Variants in ACTL8 observed in about 807,000 individuals in gnomAD.
ACTL8 encodes the protein actin like 8.
ACTL8 carries 3 observed loss-of-function variants against 9.3 expected under a neutral mutation model. That is an observed-to-expected ratio of 0.32 (90% confidence interval 0.15 to 0.83). ACTL8 has a LOEUF of 0.83. Among genes scored for constraint, ACTL8 ranks in the 40% least tolerant of loss-of-function variants. The probability of loss-of-function intolerance (pLI) is 0.57; values close to 1 mark genes in which losing one functional copy is unlikely to be tolerated. For missense variants in ACTL8, 381 were observed against 492.2 expected (o/e 0.77, Z 2.14); for synonymous variants, 224 against 205.9 (o/e 1.09, Z -0.75).
chr1:17,773,779 A>T (rs922340993), intron 1 of ACTL8, among the ~76,000 whole-genome samples: 1 of 152,224 alleles, frequency 6.6e-6, no homozygotes, highest in African/African-American at 2.4e-5. Flanking sequence ...AGGAGAGGCA[A>T]TTCATGCAGA....
At chr1:17,800,699 A>G (rs538085183) in intron 1 of ACTL8, among the ~76,000 whole-genome samples, 4 of 148,570 alleles carry the variant, frequency 2.7e-5, no homozygotes, top group Admixed American at 1.4e-4. Context: ...GGTTCAATCA[A>G]TTCTCCTGCT....
At chr1:17,775,917 C>G (rs999604273) in intron 1 of ACTL8, among the ~76,000 whole-genome samples, 1 of 152,066 alleles carries the variant, frequency 6.6e-6, no homozygotes. Context: ...ATTCCCGGGA[C>G]AGTATAAGGA....
intron 1 of ACTL8, among the ~76,000 whole-genome samples, chr1:17,811,870 C>CTTT (rs200104295): frequency 7.2e-6 from 1 of 139,586 alleles, no homozygotes; most frequent in African/African-American, 2.6e-5. Flanking sequence ...GGTTTTCTGT[C>CTTT]TTTTTTTTTT....
chr1:17,822,850 G>A (rs1473949081), intron 1 of ACTL8, 135 bp from the exon 2 acceptor site: 16 of 634,648 alleles, frequency 2.5e-5, no homozygotes, highest in Non-Finnish European at 3.3e-5. Flanking sequence ...ACAGGTAATG[G>A]CTTGTGTAAA....
chr1:17,782,918 T>C (rs1482105672), intron 1 of ACTL8, among the ~76,000 whole-genome samples: 1 of 152,172 alleles, frequency 6.6e-6, no homozygotes, highest in African/African-American at 2.4e-5. Context: ...GCAAGTTAAT[T>C]CCCCACTCAA....
intron 1 of ACTL8, among the ~76,000 whole-genome samples, chr1:17,797,189 G>A (rs1412405180): frequency 6.6e-6 from 1 of 152,118 alleles, no homozygotes; most frequent in Non-Finnish European, 1.5e-5. Context: ...CTGCCTGAGA[G>A]TTTCAGTTTC....
chr1:17,776,493 G>A (rs962364023), intron 1 of ACTL8, among the ~76,000 whole-genome samples: 3 of 152,030 alleles, frequency 2.0e-5, no homozygotes, highest in Admixed American at 2.0e-4. Flanking sequence ...CACTCGCTTC[G>A]GCTCCTCTGC....
At chr1:17,756,041 C>T (rs1383369912) in intron 1 of ACTL8, among the ~76,000 whole-genome samples, 3 of 151,792 alleles carry the variant, frequency 2.0e-5, no homozygotes, top group African/African-American at 7.3e-5. Flanking sequence ...GGTGTCTCTT[C>T]GGGACTCTAC....
intron 1 of ACTL8, among the ~76,000 whole-genome samples, chr1:17,798,354 G>GA (rs2066293682): frequency 6.6e-6 from 1 of 152,180 alleles, no homozygotes; most frequent in Non-Finnish European, 1.5e-5. Flanking sequence ...GGTGACTGGG[G>GA]AGGGGCCAGG....
intron 1 of ACTL8, among the ~76,000 whole-genome samples, chr1:17,800,942 G>A (rs2066317917): frequency 6.6e-6 from 1 of 152,116 alleles, no homozygotes; most frequent in Non-Finnish European, 1.5e-5. Context: ...CCAGCTAAGG[G>A]CGGCATTTGC....
At chr1:17,811,415 T>C (rs187169346) in intron 1 of ACTL8, among the ~76,000 whole-genome samples, 4 of 152,344 alleles carry the variant, frequency 2.6e-5, no homozygotes, top group African/African-American at 9.6e-5. Context: ...TTTCATTCTC[T>C]TGATAGTGTC....
chr1:17,788,293 G>A (rs1028302415), intron 1 of ACTL8, among the ~76,000 whole-genome samples: 5 of 152,214 alleles, frequency 3.3e-5, no homozygotes, highest in Non-Finnish European at 5.9e-5. Flanking sequence ...CCCCAAGGTT[G>A]GTTAAGAAGC....
At chr1:17,791,019 C>A (rs1397383445) in intron 1 of ACTL8, among the ~76,000 whole-genome samples, 1 of 151,598 alleles carries the variant, frequency 6.6e-6, no homozygotes, top group Admixed American at 6.6e-5. Flanking sequence ...TTTTCTGAGC[C>A]TATGAGGGTT....
At chr1:17,809,359 T>A (rs1322702345) in intron 1 of ACTL8, among the ~76,000 whole-genome samples, 1 of 152,068 alleles carries the variant, frequency 6.6e-6, no homozygotes, top group African/African-American at 2.4e-5. Flanking sequence ...ATAAGAGTGA[T>A]GAGAGCTGGT....
At chr1:17,798,525 A>C (rs2066295063) in intron 1 of ACTL8, among the ~76,000 whole-genome samples, 1 of 152,154 alleles carries the variant, frequency 6.6e-6, no homozygotes, top group Non-Finnish European at 1.5e-5. Flanking sequence ...GGAGGGGGCC[A>C]TTCAAAAGGA....
At position 17,825,676 on chromosome 1, in the gene ACTL8, C is replaced by T. The variant is rs1017970485; in HGVS notation, c.349-91C>T. On this transcript the variant is annotated intron_variant, in intron 2 of 2. Transcript: ENST00000375406. ...CAGCATCCTGGGGCAGCCCGAGAGT[C>T]CCCCCGAGGATGGGGCTCTGTGCTG... 23 of 1,492,600 alleles carry T rather than the reference C, an allele frequency of 1.5e-5. No homozygotes were observed. The African/African-American group carries it at 2.8e-4, about 18-fold the overall frequency. 92.5% of individuals were successfully genotyped at this position (1,492,600 alleles called of 1,614,324 possible). A position where few individuals can be genotyped will look rare whatever the true frequency, so the allele number is the denominator to read the frequency against.
At chr1:17,782,945 G>T (rs1293541245) in intron 1 of ACTL8, among the ~76,000 whole-genome samples, 10 of 152,188 alleles carry the variant, frequency 6.6e-5, no homozygotes, top group Admixed American at 1.3e-4. Flanking sequence ...GCACATTGCA[G>T]AATGGAACCT....
chr1:17,826,406 G>A lies in ACTL8; in HGVS notation c.988G>A (p.Gly330Ser), dbSNP rs1311426412. 6.2e-7 allele frequency: 1 copy of A among 1,614,082 alleles called. No homozygotes were observed. The highest frequency in any genetic ancestry group is 1.7e-5 in the Admixed American group (1 of 60,022). ...CTCCACCAAGGCCACAGTCTGGGAG[G>A]GTTCCAATAGAAACTTTAGTGTCTG... is the stretch of plus-strand genomic sequence containing the variant. ...VSSTKATVWEGSNRNFSVWLG... is the reference protein window; with the variant it reads ...VSSTKATVWESSNRNFSVWLG... The change falls in exon 3 of 3, where the codon GGT becomes AGT. Residue 330 changes from glycine (G) to serine (S), a missense_variant. Gly to Ser is a moderately conservative substitution (Grantham distance 56). Around this residue, in one of 3 missense-constraint regions of ACTL8, gnomAD observed 243 missense variants for 276.2 expected, o/e 0.88. Coordinates refer to ENST00000375406, the MANE Select transcript of ACTL8 (RefSeq NM_030812.3). This position sits in a 1 kb window ranked among gnomAD's most constrained non-coding sequence, Gnocchi z 4.5.
chr1:17,790,170 A>G (rs1353908314), intron 1 of ACTL8, among the ~76,000 whole-genome samples: 5 of 152,222 alleles, frequency 3.3e-5, no homozygotes, highest in African/African-American at 7.2e-5. Context: ...GCACCGGGGA[A>G]CACAAAGGCA....
Sources: allele counts gnomAD v4.1 joint callset (sites outside exome capture counted in the v4.1 genomes callset), GRCh38; gene constraint gnomAD v4.1.1; regional missense constraint gnomAD v4.1.1; non-coding constraint Gnocchi (gnomAD v3.1); transcripts MANE v1.5; gene names NCBI Gene and HGNC (gene_info 2026-07-23, HGNC 2026-07-21).